FAM222B: variants seen among roughly 807,000 people sequenced by gnomAD.
FAM222B encodes family with sequence similarity 222 member B, also known as protein FAM222B.
FAM222B carries 12 observed loss-of-function variants against 38.0 expected under a neutral mutation model. The ratio of observed to expected loss-of-function variants is 0.32; its 90% CI spans 0.20 to 0.51. FAM222B has a LOEUF of 0.51. FAM222B is among the 20% of genes least tolerant of loss of function. The pLI, the probability that FAM222B is intolerant of heterozygous loss-of-function variation, is 0.97. For missense variants in FAM222B, 716 were observed against 754.2 expected (o/e 0.95, Z 0.59); for synonymous variants, 329 against 317.2 (o/e 1.04, Z -0.40).
rs957739625 is a variant in FAM222B, at chr17:28,769,078, A to C, written c.-40-2371T>G. Reference sequence around the variant, plus strand: ...GGTAACAAACTTCACCTGTCATCTCATCATCTCTAGATGGGATTACTATTA... The same window carrying C: ...GGTAACAAACTTCACCTGTCATCTCCTCATCTCTAGATGGGATTACTATTA... On this transcript the variant is annotated intron_variant, in intron 1 of 2. Coordinates refer to ENST00000581407, the MANE Select transcript of FAM222B (RefSeq NM_001077498.3). Among the ~76,000 whole-genome samples the C allele has an allele frequency of 2.6e-5, 4 of 151,392 alleles. No individual in the cohort carries two copies. The South Asian group carries it at 8.3e-4, about 31-fold the overall frequency.
At position 28,816,640 on chromosome 17, in the gene FAM222B, C is replaced by CA. The variant is rs201311457; in HGVS notation, c.-41+26041dup. ...TCCCAGTAGAACGGAATAAAAAAAA[C>CA]AAAAAAAAACAATGATTGCACCCGA... On this transcript the variant is annotated intron_variant, in intron 1 of 2. Coordinates refer to ENST00000581407, the MANE Select transcript of FAM222B (RefSeq NM_001077498.3). 7.5e-4 allele frequency among the ~76,000 whole-genome samples: 112 copies of CA among 149,182 alleles called. 1 individual carries two copies. The highest frequency in any genetic ancestry group is 3.0e-3 in the South Asian group (14 of 4,698).
intron 1 of FAM222B, among the ~76,000 whole-genome samples, chr17:28,827,809 A>G (rs1028738302): frequency 5.9e-5 from 9 of 152,218 alleles, no homozygotes; most frequent in African/African-American, 2.2e-4. Context: ...AGGGTAATGA[A>G]GGGCTTTAAA....
At chr17:28,838,825 T>C (rs2038938472) in intron 1 of FAM222B, among the ~76,000 whole-genome samples, 1 of 151,844 alleles carries the variant, frequency 6.6e-6, no homozygotes, top group African/African-American at 2.4e-5. Flanking sequence ...GAGAATCACT[T>C]GAACACAGGA....
chr17:28,822,856 TATATATATACACAC>T (rs1474297430), intron 1 of FAM222B, among the ~76,000 whole-genome samples: 251 of 103,600 alleles, frequency 2.4e-3, no homozygotes, highest in African/African-American at 9.7e-3. Flanking sequence ...TATATATATA[TATATATATACACAC>T]ATATATATAT....
chr17:28,824,985 G>T (rs1026796075), intron 1 of FAM222B, among the ~76,000 whole-genome samples: 3 of 152,010 alleles, frequency 2.0e-5, no homozygotes, highest in Admixed American at 6.6e-5. Flanking sequence ...GGCTGGTCTC[G>T]AACTCCTGAC....
At chr17:28,835,568 T>A (rs530945264) in intron 1 of FAM222B, among the ~76,000 whole-genome samples, 2 of 152,340 alleles carry the variant, frequency 1.3e-5, no homozygotes, top group Non-Finnish European at 2.9e-5. Context: ...AAATTGATAC[T>A]TATGTTGTTT....
chr17:28,849,851 GA>G (rs2039169622), intron 1 of FAM222B, among the ~76,000 whole-genome samples: 1 of 152,090 alleles, frequency 6.6e-6, no homozygotes, highest in African/African-American at 2.4e-5. Flanking sequence ...GGAGGCCGAG[GA>G]GGGCGGATCA....
chr17:28,760,554 T>G (rs2035021553), intron 2 of FAM222B, among the ~76,000 whole-genome samples: 1 of 150,414 alleles, frequency 6.6e-6, no homozygotes, highest in African/African-American at 2.5e-5. Context: ...CACTCCAACC[T>G]GGGCGACAGA....
chr17:28,808,715 T>A (rs536776431), intron 1 of FAM222B, among the ~76,000 whole-genome samples: 1 of 152,340 alleles, frequency 6.6e-6, no homozygotes, highest in Non-Finnish European at 1.5e-5. Context: ...CTCTGACACC[T>A]GACTGAAAAA....
At chr17:28,790,358 T>A (rs185568749) in intron 1 of FAM222B, 1 of 152,198 alleles carries the variant, frequency 6.6e-6, no homozygotes, top group Non-Finnish European at 1.5e-5. Context: ...TCAGTAACGA[T>A]ACAAATCAAA....
chr17:28,834,482 G>A (rs369580942), intron 1 of FAM222B, among the ~76,000 whole-genome samples: 4 of 151,694 alleles, frequency 2.6e-5, no homozygotes, highest in African/African-American at 9.7e-5. Flanking sequence ...CTGTATCTTT[G>A]TACAAGCTAT....
At chr17:28,803,671 AGAAGACACCAACAAT>A (rs1468036334) in intron 1 of FAM222B, among the ~76,000 whole-genome samples, 1 of 152,134 alleles carries the variant, frequency 6.6e-6, no homozygotes, top group Non-Finnish European at 1.5e-5. Flanking sequence ...CTATGGGGTC[AGAAGACACCAACAAT>A]GAAGACATTT....
chr17:28,785,361 T>C (rs1485020453), intron 1 of FAM222B, among the ~76,000 whole-genome samples: 1 of 152,234 alleles, frequency 6.6e-6, no homozygotes, highest in Non-Finnish European at 1.5e-5. Flanking sequence ...TTTACTGAGA[T>C]GCAATCTTTA....
rs2151757402 is a variant in FAM222B, at chr17:28,759,487, G to C, written c.472C>G (p.Leu158Val). 1 of 1,575,680 alleles carries C rather than the reference G, an allele frequency of 6.3e-7. No individual in the cohort carries two copies. The change falls in exon 3 of 3, where the codon CTG (leucine) becomes GTG (valine). Residue 158 changes from leucine to valine, a missense_variant. Leu to Val is a conservative substitution (Grantham distance 32). Transcript: ENST00000581407. This position sits in a 1 kb window ranked among gnomAD's most constrained non-coding sequence, Gnocchi z 4.8. ...QAQALARQQA[L>V]QHAQTLAHAP... ...TGGGCCAGGGTCTGTGCATGCTGCA[G>C]GGCCTGCTGGCGGGCCAGAGCCTGG... is the stretch of plus-strand genomic sequence containing the variant.
intron 1 of FAM222B, among the ~76,000 whole-genome samples, chr17:28,794,478 C>T (rs1432876000): frequency 6.6e-6 from 1 of 151,974 alleles, no homozygotes; most frequent in Non-Finnish European, 1.5e-5. Context: ...CCTCAGCCTC[C>T]AAAAGTGCTG....
chr17:28,759,762 A>C lies in FAM222B; in HGVS notation c.197T>G (p.Val66Gly). 6.2e-7 allele frequency: 1 copy of C among 1,613,626 alleles called. No homozygotes were observed. Among genetic ancestry groups the C allele is most frequent in the Non-Finnish European group, 8.5e-7 (1 of 1,179,730 alleles). ...PLTIKIFPNS[V>G]KVPQRKHVRR... is the part of the protein sequence containing the mutation. ...AACGTGTTTCCGCTGGGGAACCTTC[A>C]CACTGTTGGGGAAGATTTTTATAGT... Residue 66 changes from valine (V) to glycine (G), a missense_variant, in exon 3 of 3, where the codon GTG becomes GGG. Coordinates refer to ENST00000581407, the MANE Select transcript of FAM222B (RefSeq NM_001077498.3). The surrounding 1 kb of genome is among the most constrained non-coding windows in gnomAD (Gnocchi z 4.8).
At chr17:28,846,532 G>C (rs779773443), upstream of FAM222B, among the ~76,000 whole-genome samples, 7 of 152,008 alleles carry the variant, frequency 4.6e-5, no homozygotes, top group Non-Finnish European at 7.4e-5. Context: ...AGCCGGGTGT[G>C]GTGGCCCGCA....
chr17:28,790,644 A>G (rs2036618022), intron 1 of FAM222B, among the ~76,000 whole-genome samples: 1 of 152,144 alleles, frequency 6.6e-6, no homozygotes, highest in Admixed American at 6.6e-5. Context: ...TATAACTGGT[A>G]TAATAACAAG....
chr17:28,832,415 T>A (rs2038699760), intron 1 of FAM222B, among the ~76,000 whole-genome samples: 1 of 152,230 alleles, frequency 6.6e-6, no homozygotes, highest in Admixed American at 6.6e-5. Context: ...AAAGACAAGC[T>A]ATTCATTCCA....
Sources: allele counts gnomAD v4.1 joint callset (sites outside exome capture counted in the v4.1 genomes callset), GRCh38; gene constraint gnomAD v4.1.1; non-coding constraint Gnocchi (gnomAD v3.1); transcripts MANE v1.5; gene names NCBI Gene and HGNC (gene_info 2026-07-23, HGNC 2026-07-21).